Variants in PCDH15 observed in about 807,000 individuals in gnomAD.
The protein encoded by PCDH15 is protocadherin-15.
In PCDH15, 129 loss-of-function variants were observed where a neutral mutation model predicts 178.5. The observed-to-expected ratio is 0.72, with a 90% CI of 0.63 to 0.84. The LOEUF is 0.84. PCDH15 is among the 40% of genes least tolerant of loss of function. The pLI is 0.00. For missense variants in PCDH15, 2,230 were observed against 2,099.9 expected, an observed-to-expected ratio of 1.06 and a Z score of -1.21; for synonymous variants, 800 against 732.0, an observed-to-expected ratio of 1.09 and a Z score of -1.50.
chr10:55,598,123 A>C (rs1485310295), intron 2 of PCDH15, among the ~76,000 whole-genome samples: 1 of 152,082 alleles, frequency 6.6e-6, no homozygotes. Context: ...GGGTTGGTAA[A>C]TTTTGTGCCA....
In PCDH15 at chr10:55,216,940, C is replaced by T. The variant is rs145994349; in HGVS notation, c.-155-50289G>A. On this transcript the variant is annotated intron_variant, in intron 1 of 5. Transcript: ENST00000458638. ...TAAATTTATCCTGCTAAAACAAACT[C>T]TTTCTGTGAATTCTACAAAACACAG... 4.2e-3 allele frequency among the ~76,000 whole-genome samples: 638 copies of T among 151,914 alleles called. 7 individuals carry two copies. The highest frequency in any genetic ancestry group is 0.015 in the African/African-American group (618 of 41,438).
At chr10:54,003,356 C>T (rs779040963) in intron 20 of PCDH15, among the ~76,000 whole-genome samples, 1 of 151,752 alleles carries the variant, frequency 6.6e-6, no homozygotes, top group Non-Finnish European at 1.5e-5. Flanking sequence ...AATTGACAAA[C>T]CTTTAGCCAG....
chr10:55,115,884 T>C (rs1171001041), intron 2 of PCDH15, among the ~76,000 whole-genome samples: 2 of 152,210 alleles, frequency 1.3e-5, no homozygotes, highest in African/African-American at 2.4e-5. Flanking sequence ...CATCTTTCTT[T>C]TCACTTTGAG....
intron 23 of PCDH15, among the ~76,000 whole-genome samples, chr10:53,948,249 T>C (rs2134151829): frequency 6.6e-6 from 1 of 152,244 alleles, no homozygotes; most frequent in South Asian, 2.1e-4. Context: ...AATTATATGG[T>C]CTTACCTATG....
chr10:54,126,987 A>G (rs1358580853), intron 15 of PCDH15, among the ~76,000 whole-genome samples: 1 of 152,128 alleles, frequency 6.6e-6, no homozygotes, highest in Non-Finnish European at 1.5e-5. Context: ...CTTCACTGTA[A>G]ATGTTCTTTG....
intron 18 of PCDH15, among the ~76,000 whole-genome samples, chr10:54,056,575 A>G (rs115116934): frequency 0.02 from 3,048 of 152,172 alleles, 112 homozygotes; most frequent in African/African-American, 0.069. Flanking sequence ...CCATGATTCA[A>G]TTATCTTCAC....
chr10:54,259,762 T>C (rs1318200910), intron 8 of PCDH15, among the ~76,000 whole-genome samples: 1 of 152,164 alleles, frequency 6.6e-6, no homozygotes, highest in Non-Finnish European at 1.5e-5. Flanking sequence ...TCATTTTCTA[T>C]GTTCCAGTCT....
intron 18 of PCDH15, among the ~76,000 whole-genome samples, chr10:54,037,450 T>A (rs11004014): frequency 0.6 from 90,552 of 151,536 alleles, 29,733 homozygotes; most frequent in Middle Eastern, 0.76. Context: ...ACCCTCTATC[T>A]GTATAAAGAT....
In PCDH15 at chr10:54,615,009, A is replaced by ATTTG. The variant is rs146155309; in HGVS notation, c.91+49162_91+49163insCAAA. 8.5e-3 allele frequency among the ~76,000 whole-genome samples: 1,293 copies of ATTTG among 152,072 alleles called. 16 individuals are homozygous for ATTTG. Among genetic ancestry groups the ATTTG allele is most frequent in the African/African-American group, 0.03 (1,236 of 41,520 alleles). On this transcript the variant is annotated intron_variant, in intron 2 of 37. Coordinates refer to ENST00000644397, the MANE Select transcript of PCDH15 (RefSeq NM_001384140.1). ...ATTTCTGATTTGGGCTTGGATTTTA[A>ATTTG]TTTATTTTTTATTGAATGTTGGATA...
At chr10:55,336,229 G>C (rs557411731) in intron 2 of PCDH15, among the ~76,000 whole-genome samples, 2 of 151,610 alleles carry the variant, frequency 1.3e-5, no homozygotes, top group Admixed American at 1.3e-4. Flanking sequence ...GCCGGGCGCA[G>C]TGGCTCCTGC....
At chr10:54,250,093 A>G (rs116385477) in intron 8 of PCDH15, among the ~76,000 whole-genome samples, 5,702 of 120,486 alleles carry the variant, frequency 0.047, 144 homozygotes, top group African/African-American at 0.1. Flanking sequence ...TTTTTTTTGT[A>G]TTATTGGTTT....
At chr10:55,252,193 G>A (rs573005562) in intron 1 of PCDH15, among the ~76,000 whole-genome samples, 1 of 152,178 alleles carries the variant, frequency 6.6e-6, no homozygotes, top group East Asian at 1.9e-4. Context: ...TGACTAATGA[G>A]CCTTTTACAG....
intron 7 of PCDH15, among the ~76,000 whole-genome samples, chr10:54,326,389 A>T (rs996155508): frequency 6.6e-6 from 1 of 152,194 alleles, no homozygotes; most frequent in African/African-American, 2.4e-5. Context: ...ACACATATAC[A>T]CATATATATG....
chr10:55,057,932 T>C (rs943072583), intron 2 of PCDH15, among the ~76,000 whole-genome samples: 4 of 152,184 alleles, frequency 2.6e-5, no homozygotes, highest in Non-Finnish European at 5.9e-5. Flanking sequence ...GCTTGTTCTT[T>C]ATATTTTAGG....
intron 28 of PCDH15, among the ~76,000 whole-genome samples, chr10:53,842,431 G>A (rs1004845788): frequency 6.6e-6 from 1 of 152,084 alleles, no homozygotes; most frequent in Non-Finnish European, 1.5e-5. Flanking sequence ...TTTTTTAGTA[G>A]AGACAGTGTT....
intron 1 of PCDH15, among the ~76,000 whole-genome samples, chr10:54,786,391 T>A (rs1473305929): frequency 3.3e-5 from 5 of 151,988 alleles, no homozygotes. Context: ...TATACAAGAC[T>A]TTTCCAAAAT....
At chr10:54,343,416 C>T (rs1220507710) in intron 6 of PCDH15, among the ~76,000 whole-genome samples, 3 of 152,138 alleles carry the variant, frequency 2.0e-5, no homozygotes, top group Admixed American at 1.3e-4. Context: ...TTTCCTGAGG[C>T]CTTCCCAGCC....
At chr10:54,565,765 A>T (rs2088931539) in intron 2 of PCDH15, among the ~76,000 whole-genome samples, 1 of 152,194 alleles carries the variant, frequency 6.6e-6, no homozygotes, top group Non-Finnish European at 1.5e-5. Context: ...AGGCAGTAGA[A>T]ATAACTATGA....
chr10:54,646,512 T>C (rs532170653), intron 2 of PCDH15, among the ~76,000 whole-genome samples: 1 of 152,138 alleles, frequency 6.6e-6, no homozygotes, highest in Non-Finnish European at 1.5e-5. Flanking sequence ...TTCCATCATT[T>C]TCCTAAAGTT....
Sources: gnomAD v4.1 joint callset for allele counts (sites outside exome capture counted in the v4.1 genomes callset) on GRCh38, gnomAD v4.1.1 for gene constraint, MANE v1.5 for transcripts, NCBI Gene and HGNC (gene_info 2026-07-23, HGNC 2026-07-21) for gene names.